The following TAOK1 variants were observed in gnomAD, a reference collection of about 807,000 sequenced individuals.
TAOK1 encodes TAO kinase 1, also known as serine/threonine-protein kinase TAO1.
Under a neutral mutation model 138.3 loss-of-function variants are expected in TAOK1, and 21 were observed. The ratio of observed to expected loss-of-function variants is 0.15; its 90% confidence interval spans 0.11 to 0.22. The LOEUF is 0.22. TAOK1 is among the 10% of genes least tolerant of loss of function. TAOK1 has a pLI of 1.00. For missense variants in TAOK1, 651 were observed against 1,227.7 expected, an observed-to-expected ratio of 0.53 and a Z score of 7.02; for synonymous variants, 361 against 398.4, an observed-to-expected ratio of 0.91 and a Z score of 1.12.
chr17:29,436,542 A>G (rs1204764125), intron 1 of TAOK1, among the ~76,000 whole-genome samples: 17 of 152,264 alleles, frequency 1.1e-4, no homozygotes, highest in Non-Finnish European at 2.5e-4. Flanking sequence ...CTTACAGTCT[A>G]TTATAAACCA....
chr17:29,534,102 T>C lies in TAOK1; in HGVS notation c.2362-16T>C. ...AGGATATATCTTTTTTTTTTCTCTC[T>C]CTCTCTCTGTCTCAGCTGCGTTTGG... On this transcript the variant is annotated splice_polypyrimidine_tract_variant and intron_variant, in intron 18 of 19. Transcript: ENST00000261716. 1 of 1,578,722 alleles carries C rather than the reference T, an allele frequency of 6.3e-7. No homozygotes were observed. Among genetic ancestry groups the C allele is most frequent in the Non-Finnish European group, 8.6e-7 (1 of 1,165,450 alleles).
At chr17:29,453,226 C>A (rs1028125319) in intron 2 of TAOK1, among the ~76,000 whole-genome samples, 3 of 144,802 alleles carry the variant, frequency 2.1e-5, no homozygotes, top group African/African-American at 7.7e-5. Flanking sequence ...ATGGCACGAT[C>A]TCGGCTCACT....
intron 1 of TAOK1, among the ~76,000 whole-genome samples, chr17:29,439,864 TAAAAA>T (rs371960597): frequency 2.5e-5 from 3 of 118,132 alleles, no homozygotes; most frequent in Non-Finnish European, 5.3e-5. Flanking sequence ...CTCTGTCTCC[TAAAAA>T]AAAAAAAAAA....
chr17:29,531,636 G>A (rs985495292), intron 18 of TAOK1, among the ~76,000 whole-genome samples: 1 of 151,596 alleles, frequency 6.6e-6, no homozygotes, highest in Non-Finnish European at 1.5e-5. Flanking sequence ...GGTGGTGGGC[G>A]CCCATAATCC....
rs2032467007 is a variant in TAOK1 at position 29,550,225 on chromosome 17, T to G, written c.*7203T>G. The G allele has an allele frequency of 6.6e-6, 1 of 152,226 alleles. No individual in the cohort carries two copies. The highest frequency in any genetic ancestry group is 1.5e-5 in the Non-Finnish European group (1 of 68,032). 9.4% of individuals were successfully genotyped at this position (152,226 alleles called of 1,614,324 possible). A position where few individuals can be genotyped will look rare whatever the true frequency, so the allele number is the denominator to read the frequency against. ...TTAATTCTCCAAATTTGTTTTGTTT[T>G]GTTTTGTTATTTTTTAGGGAACTCT... On this transcript the variant is annotated 3_prime_UTR_variant, in exon 20 of 20. Transcript: ENST00000261716.
In TAOK1 at chr17:29,457,094, T is replaced by C. The variant is rs1016906479; in HGVS notation, c.132+5414T>C. Among the ~76,000 whole-genome samples, 44 of 87,720 alleles carry C rather than the reference T, an allele frequency of 5.0e-4. 3 individuals are homozygous for C. The highest frequency in any genetic ancestry group is 1.8e-3 in the African/African-American group (42 of 23,096). The allele number at this position is 87,720 out of a possible 152,430, so 57.5% of individuals were successfully genotyped here. A position where few individuals can be genotyped will look rare whatever the true frequency, so the allele number is the denominator to read the frequency against. ...TCTTCTCTTTTTTTCTTTTTCTTTTTTTTTTTTTTTTTTTTTTGAGACAGA... is the reference window on the plus strand; with the variant it reads ...TCTTCTCTTTTTTTCTTTTTCTTTTCTTTTTTTTTTTTTTTTTGAGACAGA... On this transcript the variant is annotated intron_variant, in intron 2 of 19. Transcript: ENST00000261716.
chr17:29,437,388 G>A (rs1017926546), intron 1 of TAOK1, among the ~76,000 whole-genome samples: 1 of 151,780 alleles, frequency 6.6e-6, no homozygotes, highest in African/African-American at 2.4e-5. Context: ...AGTAGAGATG[G>A]GGTTTCATCA....
intron 10 of TAOK1, among the ~76,000 whole-genome samples, chr17:29,492,607 A>G (rs1027923740): frequency 6.6e-6 from 1 of 151,722 alleles, no homozygotes; most frequent in Admixed American, 6.6e-5. Context: ...CCTGGCCAAC[A>G]TGCTGAAACC....
chr17:29,542,397 ATTT>A (rs1012570116), intron 19 of TAOK1, among the ~76,000 whole-genome samples, 161 bp from the exon 20 acceptor site: 1 of 152,220 alleles, frequency 6.6e-6, no homozygotes, highest in Admixed American at 6.5e-5. Context: ...AACTTTAAAA[ATTT>A]TTTAATAAAT....
chr17:29,484,104 T>G (rs2031119674), intron 8 of TAOK1, among the ~76,000 whole-genome samples: 1 of 152,222 alleles, frequency 6.6e-6, no homozygotes, highest in African/African-American at 2.4e-5. Flanking sequence ...CTACCTAAAC[T>G]TTGTAGTTTC....
chr17:29,520,207 A>T (rs1237580438), intron 16 of TAOK1, among the ~76,000 whole-genome samples: 1 of 151,880 alleles, frequency 6.6e-6, no homozygotes, highest in Non-Finnish European at 1.5e-5. Flanking sequence ...AAAGTGAAAC[A>T]TGGAAACAGC....
At chr17:29,417,864 T>C (rs901106782) in intron 1 of TAOK1, among the ~76,000 whole-genome samples, 3 of 152,102 alleles carry the variant, frequency 2.0e-5, no homozygotes, top group African/African-American at 7.2e-5. Context: ...TTTGATAAAC[T>C]CTAGTTCTTT....
chr17:29,407,758 C>A (rs114624262), intron 1 of TAOK1, among the ~76,000 whole-genome samples: 400 of 152,198 alleles, frequency 2.6e-3, no homozygotes, highest in Middle Eastern at 0.01. Context: ...AGGTATCTTA[C>A]TCTTTTTGAA....
intron 17 of TAOK1, among the ~76,000 whole-genome samples, chr17:29,523,856 A>G (rs1347771745): frequency 2.0e-5 from 3 of 152,154 alleles, no homozygotes; most frequent in Non-Finnish European, 4.4e-5. Context: ...AGCCCTTTTT[A>G]TAAGCTATTT....
intron 14 of TAOK1, among the ~76,000 whole-genome samples, chr17:29,509,832 G>A (rs914755665): frequency 2.6e-5 from 4 of 151,404 alleles, no homozygotes; most frequent in Non-Finnish European, 5.9e-5. Flanking sequence ...GGAGGAGGCT[G>A]CAATGAGCCA....
intron 14 of TAOK1, among the ~76,000 whole-genome samples, chr17:29,509,551 A>G (rs2031681762): frequency 6.6e-6 from 1 of 152,014 alleles, no homozygotes. Context: ...ATATTTAGGA[A>G]AACAATTCCT....
intron 19 of TAOK1, among the ~76,000 whole-genome samples, chr17:29,541,689 T>C (rs2032319349): frequency 6.6e-6 from 1 of 150,620 alleles, no homozygotes; most frequent in African/African-American, 2.4e-5. Context: ...GGCTAGAGAA[T>C]CGCTTGAACC....
At chr17:29,427,820 A>G (rs559200869) in intron 1 of TAOK1, among the ~76,000 whole-genome samples, 2 of 151,878 alleles carry the variant, frequency 1.3e-5, no homozygotes, top group Non-Finnish European at 1.5e-5. Flanking sequence ...ACAGCTGCTC[A>G]GGAGGTTGAG....
At chr17:29,443,360 CTA>C (rs1174684025) in intron 1 of TAOK1, among the ~76,000 whole-genome samples, 3 of 152,080 alleles carry the variant, frequency 2.0e-5, no homozygotes, top group Non-Finnish European at 4.4e-5. Context: ...ATGTTATTGT[CTA>C]TTATTTGACT....
Sources: gnomAD v4.1 joint callset for allele counts (sites outside exome capture counted in the v4.1 genomes callset) on GRCh38, gnomAD v4.1.1 for gene constraint, MANE v1.5 for transcripts, NCBI Gene and HGNC (gene_info 2026-07-23, HGNC 2026-07-21) for gene names.